Variants in ANO10 observed in about 807,000 individuals in gnomAD.
The protein encoded by ANO10 is anoctamin-10.
In ANO10, 77 loss-of-function variants were observed where a neutral mutation model predicts 74.7. The observed-to-expected ratio is 1.03, with a 90% CI of 0.86 to 1.25. The LOEUF is 1.25. ANO10 is among the 50% of genes most tolerant of loss of function. The pLI is 0.00. For synonymous variants in ANO10, 279 were observed against 284.9 expected, an observed-to-expected ratio of 0.98 and a Z score of 0.21; for missense variants, 721 against 778.1, an observed-to-expected ratio of 0.93 and a Z score of 0.87.
intron 11 of ANO10, among the ~76,000 whole-genome samples, chr3:43,509,744 C>T (rs1199214452): frequency 6.6e-6 from 1 of 152,136 alleles, no homozygotes; most frequent in Non-Finnish European, 1.5e-5. Context: ...AAAACCAGTA[C>T]TAAAATGTTC....
chr3:43,684,261 G>T (rs1328882841), intron 1 of ANO10, among the ~76,000 whole-genome samples: 1 of 152,202 alleles, frequency 6.6e-6, no homozygotes, highest in Non-Finnish European at 1.5e-5. Flanking sequence ...CCATCAAAAA[G>T]TGGGTGAAGG....
At position 43,555,395 on chromosome 3, in the gene ANO10, T is replaced by C. The variant is rs775220621; in HGVS notation, c.1551A>G (p.Leu517=). ...YVSLFSCVYP[L]AAAFAVLNNF... ...TATTTAACACAGCAAAGGCAGCTGCTAATGGGTAAACACAGGAGAAAAGGC... is the reference window on the plus strand; with the variant it reads ...TATTTAACACAGCAAAGGCAGCTGCCAATGGGTAAACACAGGAGAAAAGGC... Residue 517 remains leucine (L), a synonymous_variant, in exon 10 of 13, where the codon TTA becomes TTG. Transcript: ENST00000292246. 6.2e-7 allele frequency: 1 copy of C among 1,614,176 alleles called. No individual in the cohort carries two copies. The highest frequency in any genetic ancestry group is 1.7e-5 in the Admixed American group (1 of 60,022).
chr3:43,568,741 C>T (rs1397366284), intron 7 of ANO10, among the ~76,000 whole-genome samples: 2 of 142,774 alleles, frequency 1.4e-5, no homozygotes, highest in Admixed American at 7.0e-5. Flanking sequence ...CAGGAAAGAT[C>T]CAAAATTGAC....
intron 11 of ANO10, among the ~76,000 whole-genome samples, chr3:43,544,309 G>A (rs1028584664): frequency 2.0e-5 from 3 of 151,904 alleles, no homozygotes; most frequent in African/African-American, 7.3e-5. Flanking sequence ...CTATTCTCTG[G>A]TTCAGTCTAC....
At chr3:43,548,049 A>AC (rs59920660) in intron 11 of ANO10, among the ~76,000 whole-genome samples, 3,591 of 152,272 alleles carry the variant, frequency 0.024, 141 homozygotes, top group African/African-American at 0.081. Context: ...TTCTAAATTT[A>AC]CCAAGAAATC....
At chr3:43,393,504 T>C (rs936252810) in intron 12 of ANO10, among the ~76,000 whole-genome samples, 24 of 152,148 alleles carry the variant, frequency 1.6e-4, no homozygotes, top group Admixed American at 1.6e-3. Context: ...AATCTAAAGA[T>C]GATACACGTA....
intron 11 of ANO10, chr3:43,472,417 T>C (rs1206042463): frequency 6.6e-6 from 1 of 152,222 alleles, no homozygotes; most frequent in Non-Finnish European, 1.5e-5. Flanking sequence ...AAAAAGTCAC[T>C]GATATGGTGG....
intron 11 of ANO10, among the ~76,000 whole-genome samples, chr3:43,544,157 AAAG>A (rs371075920): frequency 1.3e-5 from 2 of 152,290 alleles, no homozygotes; most frequent in African/African-American, 4.8e-5. Context: ...TTTGCCTCAA[AAAG>A]AAGGATGATA....
chr3:43,384,701 A>G (rs1418140217), intron 12 of ANO10, among the ~76,000 whole-genome samples: 1 of 152,232 alleles, frequency 6.6e-6, no homozygotes, highest in East Asian at 1.9e-4. Context: ...TGGTGGTCGG[A>G]TAATTGGTTA....
At chr3:43,630,908 T>C (rs906088984) in intron 1 of ANO10, among the ~76,000 whole-genome samples, 1 of 152,234 alleles carries the variant, frequency 6.6e-6, no homozygotes, top group African/African-American at 2.4e-5. Flanking sequence ...TCACTTCTTT[T>C]TGAAGTGCTA....
chr3:43,578,005 G>A (rs1411642955), intron 5 of ANO10, among the ~76,000 whole-genome samples: 1 of 152,292 alleles, frequency 6.6e-6, no homozygotes, highest in African/African-American at 2.4e-5. Context: ...GATCATAAGA[G>A]CATCTTGTAC....
chr3:43,448,226 A>G (rs1248028326), intron 11 of ANO10, among the ~76,000 whole-genome samples: 1 of 152,178 alleles, frequency 6.6e-6, no homozygotes, highest in East Asian at 1.9e-4. Flanking sequence ...ATTCTGTTAT[A>G]GCAGCCTGAG....
chr3:43,405,994 T>C (rs73831294), intron 12 of ANO10, among the ~76,000 whole-genome samples: 2 of 152,100 alleles, frequency 1.3e-5, no homozygotes, highest in African/African-American at 4.8e-5. Flanking sequence ...TTCTTGAAAG[T>C]ATACTGTGAA....
chr3:43,690,870 A>G lies in ANO10; in HGVS notation c.-12+647T>C, dbSNP rs370801006. 4.7e-6 allele frequency: 5 copies of G among 1,061,778 alleles called. No individual in the cohort carries two copies. The South Asian group carries it at 8.1e-5, about 17-fold the overall frequency. 65.8% of individuals were successfully genotyped at this position (1,061,778 alleles called of 1,614,324 possible). A position where few individuals can be genotyped will look rare whatever the true frequency, so the allele number is the denominator to read the frequency against. On this transcript the variant is annotated intron_variant, in intron 1 of 3. Coordinates refer to the ANO10 transcript ENST00000413397. ...CGCGGGCGCGCCGCCGGGCCGTGCT[A>G]GTGCGCGGAAGACGCATGCGCTGGC...
intron 1 of ANO10, among the ~76,000 whole-genome samples, chr3:43,682,485 G>T (rs932622830): frequency 1.3e-5 from 2 of 152,212 alleles, no homozygotes; most frequent in Non-Finnish European, 2.9e-5. Flanking sequence ...ATTCACAGCC[G>T]AATTCTACCA....
chr3:43,559,583 A>T (rs1256258533), intron 9 of ANO10, among the ~76,000 whole-genome samples: 2 of 152,146 alleles, frequency 1.3e-5, no homozygotes, highest in African/African-American at 4.8e-5. Context: ...GGAGGAGAAG[A>T]AGTAGATACA....
At chr3:43,410,093 A>G (rs143777116) in intron 12 of ANO10, among the ~76,000 whole-genome samples, 20 of 152,138 alleles carry the variant, frequency 1.3e-4, no homozygotes, top group Admixed American at 4.6e-4. Flanking sequence ...AACGTATTAC[A>G]TTTTGTGAGA....
intron 7 of ANO10, among the ~76,000 whole-genome samples, chr3:43,573,098 T>C (rs988814733): frequency 5.9e-5 from 9 of 152,102 alleles, no homozygotes; most frequent in African/African-American, 1.4e-4. Flanking sequence ...ACAATGTTTT[T>C]ACCTCTGAGG....
At chr3:43,681,778 C>T (rs1198105007) in intron 1 of ANO10, among the ~76,000 whole-genome samples, 4 of 152,244 alleles carry the variant, frequency 2.6e-5, no homozygotes, top group Admixed American at 1.3e-4. Flanking sequence ...AAGAAACTCA[C>T]TCAAAACCGC....
Sources: gnomAD v4.1 joint callset for allele counts (sites outside exome capture counted in the v4.1 genomes callset) on GRCh38, gnomAD v4.1.1 for gene constraint, MANE v1.5 for transcripts, NCBI Gene and HGNC (gene_info 2026-07-23, HGNC 2026-07-21) for gene names.